The following AUTS2 variants were observed in gnomAD, a reference collection of about 807,000 sequenced individuals.
AUTS2 encodes activator of transcription and developmental regulator AUTS2, also known as autism susceptibility gene 2 protein.
AUTS2 carries 17 observed loss-of-function variants against 112.4 expected under a neutral mutation model. That is an observed-to-expected ratio of 0.15 (90% CI 0.10 to 0.23). AUTS2 has a LOEUF of 0.23. AUTS2 is among the 10% of genes least tolerant of loss of function. The pLI, the probability that AUTS2 is intolerant of heterozygous loss-of-function variation, is 1.00. For missense variants in AUTS2, 1,510 were observed against 1,701.6 expected (o/e 0.89, Z 1.98); for synonymous variants, 751 against 702.7 (o/e 1.07, Z -1.09).
chr7:69,760,097 A>G (rs1379298236), intron 1 of AUTS2, among the ~76,000 whole-genome samples: 2 of 151,858 alleles, frequency 1.3e-5, no homozygotes, highest in Non-Finnish European at 2.9e-5. Context: ...AGATCTGGCA[A>G]AAAAAACAAG....
intron 4 of AUTS2, among the ~76,000 whole-genome samples, chr7:70,152,444 G>C (rs1161186912): frequency 7.0e-6 from 1 of 143,814 alleles, no homozygotes; most frequent in African/African-American, 2.5e-5. Context: ...TTTTTTTCTG[G>C]AAAAAAAAAA....
intron 2 of AUTS2, among the ~76,000 whole-genome samples, chr7:70,093,450 T>C (rs1037149125): frequency 1.3e-5 from 2 of 152,256 alleles, no homozygotes; most frequent in Admixed American, 6.5e-5. Context: ...AAAAACAAGA[T>C]GGATGATTCA....
At chr7:70,194,567 T>C (rs891621481) in intron 4 of AUTS2, 4 of 152,252 alleles carry the variant, frequency 2.6e-5, no homozygotes, top group African/African-American at 9.6e-5. Flanking sequence ...ACATTAATTC[T>C]AGGCAAGGGT....
At position 70,631,604 on chromosome 7, in the gene AUTS2, C is replaced by T. The variant is rs576810394; in HGVS notation, c.691-66965C>T. Among the ~76,000 whole-genome samples, 3 of 152,216 alleles carry T rather than the reference C, an allele frequency of 2.0e-5. No homozygotes were observed. Among genetic ancestry groups the T allele is most frequent in the South Asian group, 2.1e-4 (1 of 4,822 alleles). On this transcript the variant is annotated intron_variant, in intron 5 of 18. Coordinates refer to ENST00000342771, the MANE Select transcript of AUTS2 (RefSeq NM_015570.4). This position sits in a 1 kb window ranked among gnomAD's most constrained non-coding sequence, Gnocchi z 4.5. Reference sequence around the variant, plus strand: ...CCAGATGTTCTCAGCACCATTTTAGCGACAAGGGCAGCTATGAAAATGGCC... The same window carrying T: ...CCAGATGTTCTCAGCACCATTTTAGTGACAAGGGCAGCTATGAAAATGGCC...
intron 1 of AUTS2, among the ~76,000 whole-genome samples, chr7:69,893,404 A>T (rs1489946508): frequency 1.3e-5 from 2 of 152,184 alleles, no homozygotes; most frequent in African/African-American, 4.8e-5. Context: ...TGTTTGTAAA[A>T]CCATTCAAAA....
chr7:70,586,988 C>T (rs949993214), intron 5 of AUTS2, among the ~76,000 whole-genome samples: 2 of 152,150 alleles, frequency 1.3e-5, no homozygotes, highest in Non-Finnish European at 2.9e-5. Flanking sequence ...GGTCTAATTC[C>T]AGTCATACCA....
intron 2 of AUTS2, among the ~76,000 whole-genome samples, chr7:70,034,037 A>G (rs1800895032): frequency 6.6e-6 from 1 of 152,222 alleles, no homozygotes; most frequent in Non-Finnish European, 1.5e-5. Flanking sequence ...TGATCATTAT[A>G]CATTATGTAC....
intron 5 of AUTS2, among the ~76,000 whole-genome samples, chr7:70,676,877 C>CAA (rs5884793): frequency 8.7e-5 from 13 of 149,616 alleles, no homozygotes; most frequent in Admixed American, 2.0e-4. Flanking sequence ...GATTCCATCT[C>CAA]AAAAAAAAAA....
At chr7:69,659,795 G>A (rs984474245) in intron 1 of AUTS2, among the ~76,000 whole-genome samples, 1 of 151,952 alleles carries the variant, frequency 6.6e-6, no homozygotes, top group Non-Finnish European at 1.5e-5. Flanking sequence ...CCAGCCTAAA[G>A]CCATACTTCA....
chr7:70,511,332 C>A (rs1312988351), intron 5 of AUTS2, among the ~76,000 whole-genome samples: 3 of 151,800 alleles, frequency 2.0e-5, no homozygotes, highest in Non-Finnish European at 4.4e-5. Context: ...TTTCCAAATG[C>A]GGAAACTGGA....
chr7:69,757,509 A>G (rs1787989791), intron 1 of AUTS2, among the ~76,000 whole-genome samples: 1 of 152,160 alleles, frequency 6.6e-6, no homozygotes, highest in Non-Finnish European at 1.5e-5. Context: ...TTGAAATTAG[A>G]TCAGATTCCT....
At chr7:70,281,829 A>C (rs1788229109) in intron 4 of AUTS2, among the ~76,000 whole-genome samples, 1 of 152,244 alleles carries the variant, frequency 6.6e-6, no homozygotes, top group Non-Finnish European at 1.5e-5. Context: ...GAAAGGGTAA[A>C]GACTATGTAA....
intron 5 of AUTS2, among the ~76,000 whole-genome samples, chr7:70,443,796 C>A (rs1242155231): frequency 6.6e-6 from 1 of 152,186 alleles, no homozygotes; most frequent in Non-Finnish European, 1.5e-5. Flanking sequence ...GAACTGTCAC[C>A]ATGTACCTGT....
chr7:70,638,407 T>C (rs1805634398), intron 5 of AUTS2, among the ~76,000 whole-genome samples: 1 of 152,208 alleles, frequency 6.6e-6, no homozygotes, highest in South Asian at 2.1e-4. Flanking sequence ...TGAGAGCAAC[T>C]CTGCAGATGC....
chr7:70,647,535 G>C (rs1304260537), intron 5 of AUTS2, among the ~76,000 whole-genome samples: 1 of 152,202 alleles, frequency 6.6e-6, no homozygotes. Context: ...TAAAGTGATG[G>C]TTTCTTGAAA....
chr7:70,494,633 G>A (rs1366843971), intron 5 of AUTS2, among the ~76,000 whole-genome samples: 3 of 148,926 alleles, frequency 2.0e-5, no homozygotes, highest in African/African-American at 7.5e-5. Context: ...CCCTTGCTCT[G>A]CAGCCTCCAA....
intron 4 of AUTS2, among the ~76,000 whole-genome samples, chr7:70,181,281 A>G (rs1446001647): frequency 2.6e-5 from 4 of 152,114 alleles, no homozygotes; most frequent in African/African-American, 7.2e-5. Flanking sequence ...ACTTCTGTCA[A>G]TTTATTATTT....
At chr7:70,238,227 C>T (rs1812427903) in intron 4 of AUTS2, among the ~76,000 whole-genome samples, 1 of 152,146 alleles carries the variant, frequency 6.6e-6, no homozygotes, top group African/African-American at 2.4e-5. Context: ...AAATCTCGAC[C>T]TAAACTGAAA....
intron 4 of AUTS2, among the ~76,000 whole-genome samples, chr7:70,277,453 G>A (rs147260710): frequency 5.8e-4 from 88 of 152,246 alleles, no homozygotes; most frequent in African/African-American, 2.1e-3. Flanking sequence ...TTTTAATCTT[G>A]ACTCTTAGTA....
Sources: gnomAD v4.1 joint callset for allele counts (sites outside exome capture counted in the v4.1 genomes callset) on GRCh38, gnomAD v4.1.1 for gene constraint, Gnocchi (gnomAD v3.1) non-coding constraint, MANE v1.5 for transcripts, NCBI Gene and HGNC (gene_info 2026-07-23, HGNC 2026-07-21) for gene names.